PDE7B: variants seen among roughly 807,000 people sequenced by gnomAD.
PDE7B encodes 3',5'-cyclic-AMP phosphodiesterase 7B.
PDE7B carries 29 observed loss-of-function variants against 56.2 expected under a neutral mutation model. The ratio of observed to expected loss-of-function variants is 0.52; its 90% CI spans 0.38 to 0.70. The LOEUF (loss-of-function observed/expected upper bound fraction) is 0.70, where lower values mean the gene tolerates loss of function less well. Among genes scored for constraint, PDE7B ranks in the 30% least tolerant of loss-of-function variants. The pLI, the probability that PDE7B is intolerant of heterozygous loss-of-function variation, is 0.00. For synonymous variants in PDE7B, 197 were observed against 196.9 expected, an observed-to-expected ratio of 1.00 and a Z score of 0.00; for missense variants, 490 against 565.0, an observed-to-expected ratio of 0.87 and a Z score of 1.35.
intron 3 of PDE7B, among the ~76,000 whole-genome samples, chr6:136,144,047 T>C (rs1157112527): frequency 6.6e-6 from 1 of 152,112 alleles, no homozygotes; most frequent in Non-Finnish European, 1.5e-5. Context: ...AGATCATCTA[T>C]ATTTTCTTTT....
intron 2 of PDE7B, among the ~76,000 whole-genome samples, chr6:136,008,316 C>T (rs983929686): frequency 1.4e-4 from 22 of 152,146 alleles, no homozygotes; most frequent in Non-Finnish European, 2.8e-4. Context: ...GTCTTTATAG[C>T]AGCATGTCTT....
chr6:135,988,675 A>G (rs1460661991), intron 2 of PDE7B, among the ~76,000 whole-genome samples: 1 of 152,174 alleles, frequency 6.6e-6, no homozygotes, highest in Non-Finnish European at 1.5e-5. Context: ...AAGGAAATGG[A>G]AGTGTTCTGA....
intron 1 of PDE7B, among the ~76,000 whole-genome samples, chr6:135,936,419 G>T (rs774619203): frequency 5.9e-5 from 9 of 152,164 alleles, no homozygotes; most frequent in Non-Finnish European, 1.2e-4. Context: ...AATGCCTAAA[G>T]CTTGGACACA....
chr6:135,892,775 T>C (rs945016424), intron 1 of PDE7B, among the ~76,000 whole-genome samples: 3 of 152,226 alleles, frequency 2.0e-5, no homozygotes, highest in African/African-American at 7.2e-5. Flanking sequence ...GCCATCTTCA[T>C]AGGAATTACA....
At chr6:135,961,451 T>C (rs916079089) in intron 2 of PDE7B, among the ~76,000 whole-genome samples, 1 of 152,122 alleles carries the variant, frequency 6.6e-6, no homozygotes, top group African/African-American at 2.4e-5. Flanking sequence ...GCATAATTCA[T>C]CATTTGACTC....
intron 2 of PDE7B, among the ~76,000 whole-genome samples, chr6:136,003,026 T>C (rs1212923462): frequency 1.3e-5 from 2 of 151,482 alleles, no homozygotes; most frequent in South Asian, 4.2e-4. Flanking sequence ...GCAATCAAAC[T>C]AGAACTCAGG....
chr6:136,032,981 A>G (rs74722622), intron 2 of PDE7B, among the ~76,000 whole-genome samples: 2 of 152,342 alleles, frequency 1.3e-5, no homozygotes, highest in Non-Finnish European at 2.9e-5. Context: ...GAGTGACTTT[A>G]GAGATTTCCT....
chr6:135,909,773 A>C (rs894158038), intron 1 of PDE7B, among the ~76,000 whole-genome samples: 1 of 152,118 alleles, frequency 6.6e-6, no homozygotes, highest in Non-Finnish European at 1.5e-5. Flanking sequence ...GTCTACGCAA[A>C]AGTGGCCTGG....
chr6:135,989,367 A>C (rs991557386), intron 2 of PDE7B, among the ~76,000 whole-genome samples: 7 of 152,312 alleles, frequency 4.6e-5, no homozygotes, highest in African/African-American at 1.7e-4. Context: ...TAATCCCAAC[A>C]CTTTGGAAGG....
At chr6:136,003,465 A>G (rs1775712830) in intron 2 of PDE7B, among the ~76,000 whole-genome samples, 1 of 152,230 alleles carries the variant, frequency 6.6e-6, no homozygotes, top group African/African-American at 2.4e-5. Flanking sequence ...CAAGACTAAT[A>G]AAGAAGAAAA....
At chr6:135,938,353 A>G (rs1333468930) in intron 1 of PDE7B, among the ~76,000 whole-genome samples, 7 of 152,206 alleles carry the variant, frequency 4.6e-5, no homozygotes, top group Admixed American at 1.3e-4. Flanking sequence ...CAATAAGTAA[A>G]AGATGAAATA....
At chr6:136,069,262 A>T (rs929214192) in intron 2 of PDE7B, among the ~76,000 whole-genome samples, 1 of 152,248 alleles carries the variant, frequency 6.6e-6, no homozygotes, top group Admixed American at 6.5e-5. Context: ...GAGGAGCTGG[A>T]AGCAGTAAGC....
At chr6:136,087,800 G>A (rs747714304) in intron 2 of PDE7B, among the ~76,000 whole-genome samples, 8 of 152,260 alleles carry the variant, frequency 5.3e-5, no homozygotes, top group Admixed American at 4.6e-4. Context: ...TGTTGTTCTC[G>A]CATTCTGGTT....
At chr6:136,173,234 G>A (rs1778922334) in intron 8 of PDE7B, among the ~76,000 whole-genome samples, 1 of 152,148 alleles carries the variant, frequency 6.6e-6, no homozygotes, top group Non-Finnish European at 1.5e-5. Flanking sequence ...GAGGCATCAT[G>A]CTACCTGACT....
At chr6:136,038,164 TG>T in intron 2 of PDE7B, 1 of 1,298,816 alleles carries the variant, frequency 7.7e-7, no homozygotes, top group Non-Finnish European at 1.0e-6. Flanking sequence ...TTTCCCTGCC[TG>T]GGAAGAATTT....
At chr6:135,854,284 G>A (rs1225874617) in intron 1 of PDE7B, among the ~76,000 whole-genome samples, 1 of 152,116 alleles carries the variant, frequency 6.6e-6, no homozygotes, top group Non-Finnish European at 1.5e-5. Context: ...ATACTAAAAG[G>A]GCTTTGTTTA....
At chr6:136,130,573 A>G (rs896912307) in intron 3 of PDE7B, among the ~76,000 whole-genome samples, 2 of 152,126 alleles carry the variant, frequency 1.3e-5, no homozygotes, top group African/African-American at 4.8e-5. Context: ...AGGCACTTTT[A>G]TACTAAAACC....
chr6:136,149,141 T>G lies in PDE7B; in HGVS notation c.373T>G (p.Leu125Val). ...TTTTGACATTTTCTTGTTTGATCGC[T>G]TGACAAATGGTAAGTTACCCAAAAG... ...WDFDIFLFDR[L>V]TNGNSLVTLL... is the part of the protein sequence containing the mutation. Residue 125 changes from leucine to valine, a missense_variant, in exon 5 of 13, where the codon TTG becomes GTG. Leu to Val is a conservative substitution (Grantham distance 32, BLOSUM62 1). Coordinates refer to ENST00000308191, the MANE Select transcript of PDE7B (RefSeq NM_018945.4). 6.2e-7 allele frequency: 1 copy of G among 1,607,258 alleles called. No homozygotes were observed. The highest frequency in any genetic ancestry group is 8.5e-7 in the Non-Finnish European group (1 of 1,173,766).
At chr6:136,046,756 C>A (rs1321032570) in intron 2 of PDE7B, among the ~76,000 whole-genome samples, 1 of 152,140 alleles carries the variant, frequency 6.6e-6, no homozygotes, top group African/African-American at 2.4e-5. Context: ...AGACCCACCT[C>A]TTAATATATT....
Sources: gnomAD v4.1 joint callset for allele counts (sites outside exome capture counted in the v4.1 genomes callset) on GRCh38, gnomAD v4.1.1 for gene constraint, MANE v1.5 for transcripts, NCBI Gene and HGNC (gene_info 2026-07-23, HGNC 2026-07-21) for gene names.